The following PLPP3 variants were observed in gnomAD, a reference collection of about 807,000 sequenced individuals.
PLPP3 encodes the protein phospholipid phosphatase 3, also known as PAP2 beta.
A neutral mutation model predicts 29.6 loss-of-function variants in PLPP3; 6 were observed. The ratio of observed to expected loss-of-function variants is 0.20; its 90% CI spans 0.11 to 0.40. The LOEUF (loss-of-function observed/expected upper bound fraction) is 0.40. Ranked by LOEUF, PLPP3 falls within the 10% of genes least tolerant of loss-of-function variation. The probability of loss-of-function intolerance (pLI) is 1.00; values close to 1 mark genes in which losing one functional copy is unlikely to be tolerated. For missense variants in PLPP3, 308 were observed against 407.7 expected (o/e 0.76, Z 2.11); for synonymous variants, 152 against 159.7 (o/e 0.95, Z 0.36).
intron 2 of PLPP3, among the ~76,000 whole-genome samples, chr1:56,534,007 A>C (rs1187927807): frequency 6.6e-6 from 1 of 152,246 alleles, no homozygotes; most frequent in African/African-American, 2.4e-5. Context: ...CTAGATATTA[A>C]GAATCTGTAT....
chr1:56,560,831 C>CG (rs1646119423), intron 1 of PLPP3, among the ~76,000 whole-genome samples: 1 of 135,720 alleles, frequency 7.4e-6, no homozygotes, highest in African/African-American at 2.6e-5. Flanking sequence ...CATTCAGAGT[C>CG]CTTTTTTTTT....
intron 1 of PLPP3, among the ~76,000 whole-genome samples, chr1:56,550,114 T>C (rs1214418665): frequency 6.6e-6 from 1 of 152,186 alleles, no homozygotes; most frequent in Admixed American, 6.5e-5. Context: ...TACTTTTAAC[T>C]GGAGCTAAGG....
chr1:56,572,857 G>A (rs1166268990), intron 1 of PLPP3, among the ~76,000 whole-genome samples: 2 of 151,952 alleles, frequency 1.3e-5, no homozygotes, highest in Non-Finnish European at 2.9e-5. Context: ...ATCTCACCTG[G>A]GTTTCACAAC....
chr1:56,569,903 A>G (rs1646186332), intron 1 of PLPP3, among the ~76,000 whole-genome samples: 1 of 151,920 alleles, frequency 6.6e-6, no homozygotes. Context: ...CTGGCTTGTG[A>G]GCTATTATTT....
intron 2 of PLPP3, among the ~76,000 whole-genome samples, chr1:56,531,335 A>C (rs961448617): frequency 6.6e-6 from 1 of 152,194 alleles, no homozygotes; most frequent in African/African-American, 2.4e-5. Context: ...TTGAGGGTCT[A>C]ATCCTATAGT....
intron 2 of PLPP3, among the ~76,000 whole-genome samples, chr1:56,526,200 G>T (rs1442243994): frequency 6.6e-6 from 1 of 152,184 alleles, no homozygotes; most frequent in African/African-American, 2.4e-5. Context: ...AAGACTATCA[G>T]TTGAAGGAAC....
chr1:56,553,382 C>G (rs929504196), intron 1 of PLPP3, among the ~76,000 whole-genome samples: 4 of 152,144 alleles, frequency 2.6e-5, no homozygotes, highest in Non-Finnish European at 5.9e-5. Context: ...GGTATGGGAG[C>G]TTTAGTTAGC....
intron 1 of PLPP3, among the ~76,000 whole-genome samples, chr1:56,558,362 T>G (rs564585645): frequency 1.1e-4 from 17 of 152,330 alleles, no homozygotes; most frequent in African/African-American, 3.4e-4. Flanking sequence ...CATGCTTTAG[T>G]AAGCACAAAT....
At chr1:56,540,760 C>T (rs1441228238) in intron 1 of PLPP3, among the ~76,000 whole-genome samples, 1 of 152,090 alleles carries the variant, frequency 6.6e-6, no homozygotes, top group Non-Finnish European at 1.5e-5. Flanking sequence ...AGAGTAACCA[C>T]AGATTTCCTT....
Position 56,512,015 on chromosome 1 carries a change from C to T in PLPP3, c.771G>A (p.Leu257=). 6.2e-7 allele frequency: 1 copy of T among 1,613,274 alleles called. No individual in the cohort carries two copies. The highest frequency in any genetic ancestry group is 1.1e-5 in the South Asian group (1 of 90,896). ...CCAGGGCTCCTTGAGCAAATCCTGC[C>T]AGAACATCACTGGGATGGTGCTTGT... ...SDHKHHPSDV[L]AGFAQGALVA... The change falls in exon 5 of 6, where the codon CTG becomes CTA. Residue 257 remains leucine (L), a synonymous_variant. Coordinates refer to ENST00000371250, the MANE Select transcript of PLPP3 (RefSeq NM_003713.5).
At chr1:56,507,585 G>A (rs1362011324) in intron 5 of PLPP3, among the ~76,000 whole-genome samples, 2 of 152,190 alleles carry the variant, frequency 1.3e-5, no homozygotes, top group Non-Finnish European at 2.9e-5. Context: ...AGGCCATGGG[G>A]GACTGGAAGG....
chr1:56,525,884 G>C (rs1479284046), intron 2 of PLPP3, among the ~76,000 whole-genome samples: 1 of 152,102 alleles, frequency 6.6e-6, no homozygotes, highest in Non-Finnish European at 1.5e-5. Context: ...CAAGGCATGA[G>C]GTCTGATCAA....
chr1:56,506,521 T>C (rs1361537651), intron 5 of PLPP3, among the ~76,000 whole-genome samples: 1 of 152,100 alleles, frequency 6.6e-6, no homozygotes, highest in African/African-American at 2.4e-5. Flanking sequence ...CTGCTGTGTA[T>C]TTACGAAATC....
intron 2 of PLPP3, among the ~76,000 whole-genome samples, chr1:56,529,996 T>C (rs528976762): frequency 3.8e-4 from 58 of 152,242 alleles, no homozygotes; most frequent in Middle Eastern, 3.4e-3. Flanking sequence ...ATCATTGTTT[T>C]CCCAAAAGTC....
intron 2 of PLPP3, among the ~76,000 whole-genome samples, chr1:56,531,520 T>C (rs1373497133): frequency 6.6e-6 from 1 of 152,206 alleles, no homozygotes; most frequent in Non-Finnish European, 1.5e-5. Flanking sequence ...TACAAACCAT[T>C]GATGCACACT....
chr1:56,574,847 C>G (rs997497973), intron 1 of PLPP3, among the ~76,000 whole-genome samples: 1 of 152,146 alleles, frequency 6.6e-6, no homozygotes, highest in Non-Finnish European at 1.5e-5. Flanking sequence ...GTTACTACAT[C>G]ACAATATTTA....
intron 4 of PLPP3, chr1:56,513,882 A>G (rs922619905): frequency 6.6e-6 from 1 of 152,260 alleles, no homozygotes; most frequent in Non-Finnish European, 1.5e-5. Flanking sequence ...CAATTTGAAG[A>G]GACAGAGAGG....
chr1:56,570,285 T>C (rs895805459), intron 1 of PLPP3, among the ~76,000 whole-genome samples: 9 of 152,224 alleles, frequency 5.9e-5, no homozygotes, highest in Admixed American at 2.6e-4. Context: ...GTGTATTATG[T>C]GTTTTAGGGA....
At chr1:56,525,959 C>T (rs1455272322) in intron 2 of PLPP3, among the ~76,000 whole-genome samples, 1 of 152,158 alleles carries the variant, frequency 6.6e-6, no homozygotes, top group Non-Finnish European at 1.5e-5. Flanking sequence ...CAGCTGGGCC[C>T]AGGGACAAAC....
Sources: allele counts gnomAD v4.1 joint callset (sites outside exome capture counted in the v4.1 genomes callset), GRCh38; gene constraint gnomAD v4.1.1; transcripts MANE v1.5; gene names NCBI Gene and HGNC (gene_info 2026-07-23, HGNC 2026-07-21).